Variants in S100Z observed in about 807,000 individuals in gnomAD.
The protein encoded by S100Z is protein S100-Z.
In S100Z, 11 loss-of-function variants were observed where a neutral mutation model predicts 8.5. That is an observed-to-expected ratio of 1.30 (90% CI 0.82 to 2.15). The LOEUF (loss-of-function observed/expected upper bound fraction) is 2.15. Among genes scored for constraint, S100Z ranks in the 30% most tolerant of loss-of-function variants. S100Z has a pLI of 0.00. For missense variants in S100Z, 126 were observed against 117.9 expected, an observed-to-expected ratio of 1.07 and a Z score of -0.32; for synonymous variants, 34 against 43.8, an observed-to-expected ratio of 0.78 and a Z score of 0.89.
intron 4 of S100Z, among the ~76,000 whole-genome samples, chr5:76,900,367 T>C (rs1334880853): frequency 2.0e-5 from 3 of 152,228 alleles, no homozygotes; most frequent in Non-Finnish European, 2.9e-5. Context: ...CTAATAATCT[T>C]ACATGTGCCC....
At chr5:76,891,473 T>C (rs965716903) in intron 4 of S100Z, among the ~76,000 whole-genome samples, 4 of 152,298 alleles carry the variant, frequency 2.6e-5, no homozygotes, top group African/African-American at 9.6e-5. Context: ...GACTGAGAAC[T>C]GTCTAGGACG....
intron 4 of S100Z, among the ~76,000 whole-genome samples, chr5:76,920,457 C>G (rs1469193415): frequency 6.6e-6 from 1 of 152,146 alleles, no homozygotes; most frequent in Non-Finnish European, 1.5e-5. Flanking sequence ...TCATGCATAG[C>G]ATAATGGTAT....
chr5:76,906,361 A>C (rs551885820), intron 4 of S100Z, among the ~76,000 whole-genome samples: 2 of 152,312 alleles, frequency 1.3e-5, no homozygotes, highest in South Asian at 4.1e-4. Flanking sequence ...CATGCTATAC[A>C]ATAGATCTCC....
At chr5:76,906,341 C>G (rs1744421809) in intron 4 of S100Z, among the ~76,000 whole-genome samples, 1 of 152,124 alleles carries the variant, frequency 6.6e-6, no homozygotes, top group Non-Finnish European at 1.5e-5. Flanking sequence ...TTATTATTAA[C>G]TATAGTCACC....
At chr5:76,897,450 AT>A (rs199535269) in intron 4 of S100Z, among the ~76,000 whole-genome samples, 2,110 of 148,072 alleles carry the variant, frequency 0.014, 56 homozygotes, top group East Asian at 0.11. Flanking sequence ...CTCAAAAAAA[AT>A]AATAATAATA....
chr5:76,863,821 AG>A (rs1171395713), intron 1 of S100Z, among the ~76,000 whole-genome samples: 2 of 152,230 alleles, frequency 1.3e-5, no homozygotes, highest in Admixed American at 6.5e-5. Flanking sequence ...TACAGGTGTG[AG>A]CCACTGCGCC....
intron 1 of S100Z, among the ~76,000 whole-genome samples, chr5:76,858,087 G>A (rs564649347): frequency 2.2e-4 from 34 of 152,286 alleles, no homozygotes; most frequent in Middle Eastern, 3.4e-3. Context: ...ATAAGGCAGG[G>A]AGCCCCTCTC....
Position 76,877,752 on chromosome 5 carries a change from G to A in S100Z, c.220G>A (p.Glu74Lys). 2 of 1,611,240 alleles carry A rather than the reference G, an allele frequency of 1.2e-6. No homozygotes were observed. The highest frequency in any genetic ancestry group is 8.5e-7 in the Non-Finnish European group (1 of 1,177,352). ...TAAGGACAACGAAGTGGATTTTAAT[G>A]AATTCGTGGTCATGGTGGCAGCTCT... ...ANKDNEVDFN[E>K]FVVMVAALTV... The change falls in exon 4 of 5, where the codon GAA (glutamate) becomes AAA (lysine). Residue 74 changes from glutamate (E) to lysine (K), a missense_variant. Coordinates refer to ENST00000317593, the MANE Select transcript of S100Z (RefSeq NM_130772.4).
chr5:76,867,493 A>G (rs139818177), intron 1 of S100Z, among the ~76,000 whole-genome samples: 15 of 152,080 alleles, frequency 9.9e-5, no homozygotes, highest in African/African-American at 3.1e-4. Flanking sequence ...TTCAGAGTCC[A>G]TGACCAATGC....
chr5:76,851,770 T>C (rs1750734859), intron 1 of S100Z, among the ~76,000 whole-genome samples: 1 of 152,060 alleles, frequency 6.6e-6, no homozygotes, highest in African/African-American at 2.4e-5. Flanking sequence ...GGATTTAAGG[T>C]GACATATGAA....
chr5:76,882,522 G>A (rs1394225391), intron 4 of S100Z, among the ~76,000 whole-genome samples: 1 of 152,110 alleles, frequency 6.6e-6, no homozygotes, highest in East Asian at 1.9e-4. Context: ...TTTATATAAT[G>A]GTTTTGTTAG....
intron 1 of S100Z, among the ~76,000 whole-genome samples, chr5:76,854,927 C>G (rs1750839756): frequency 1.3e-5 from 2 of 152,258 alleles, no homozygotes; most frequent in South Asian, 4.1e-4. Context: ...GCTTGGGACA[C>G]TGCTTCTTGC....
At chr5:76,922,003 A>AT (rs1745056825), downstream of S100Z, among the ~76,000 whole-genome samples, 1 of 146,394 alleles carries the variant, frequency 6.8e-6, no homozygotes, top group Admixed American at 6.7e-5. Flanking sequence ...AAAAAAAAAA[A>AT]GAAAAAAGAA....
the S100Z span, among the ~76,000 whole-genome samples, chr5:76,927,097 A>G: frequency 3.9e-5 from 6 of 152,220 alleles, no homozygotes; most frequent in Admixed American, 3.9e-4. Flanking sequence ...GTAACATAAG[A>G]CATCAAAACT....
At chr5:76,916,595 G>A (rs903285580) in intron 4 of S100Z, among the ~76,000 whole-genome samples, 6 of 149,780 alleles carry the variant, frequency 4.0e-5, no homozygotes, top group African/African-American at 1.2e-4. Flanking sequence ...TGTGTTTTCT[G>A]ACTACAGTGG....
intron 2 of S100Z, among the ~76,000 whole-genome samples, chr5:76,873,021 G>GT (rs1292672289): frequency 2.0e-5 from 3 of 152,052 alleles, no homozygotes; most frequent in African/African-American, 7.2e-5. Context: ...TATAGAGTTT[G>GT]TTTTTTCCAT....
chr5:76,945,210 G>A, the S100Z span, among the ~76,000 whole-genome samples: 5 of 152,264 alleles, frequency 3.3e-5, no homozygotes, highest in East Asian at 1.9e-4. Context: ...AAAAGTCATC[G>A]CCATTCTCCA....
chr5:76,948,325 CTAAA>C, the S100Z span, among the ~76,000 whole-genome samples: 13 of 147,866 alleles, frequency 8.8e-5, no homozygotes, highest in African/African-American at 2.7e-4. Context: ...GACTCTGTCT[CTAAA>C]TAAATAAATA....
the S100Z span, among the ~76,000 whole-genome samples, chr5:76,944,947 G>A: frequency 6.6e-6 from 1 of 152,206 alleles, no homozygotes; most frequent in Admixed American, 6.5e-5. Flanking sequence ...TTAGAGTAAG[G>A]CTGAAGGGAG....
Sources: gnomAD v4.1 joint callset for allele counts (sites outside exome capture counted in the v4.1 genomes callset) on GRCh38, gnomAD v4.1.1 for gene constraint, MANE v1.5 for transcripts, NCBI Gene and HGNC (gene_info 2026-07-23, HGNC 2026-07-21) for gene names.